PIN4: variants seen among roughly 807,000 people sequenced by gnomAD.
PIN4 encodes peptidyl-prolyl cis-trans isomerase NIMA-interacting 4.
In PIN4, 3 loss-of-function variants were observed where a neutral mutation model predicts 8.3. The ratio of observed to expected loss-of-function variants is 0.36; its 90% confidence interval spans 0.16 to 0.93. The LOEUF is 0.93. PIN4 is among the 40% of genes least tolerant of loss of function. The pLI, the probability that PIN4 is intolerant of heterozygous loss-of-function variation, is 0.44. For missense variants in PIN4, 75 were observed against 100.6 expected (o/e 0.75, Z 1.09); for synonymous variants, 18 against 32.5 (o/e 0.55, Z 1.52).
At position 72,197,626 on chromosome X, in the gene PIN4, A is replaced by G. The variant is rs778253319; in HGVS notation, c.*100A>G. The G allele has an allele frequency of 9.1e-7, 1 of 1,096,296 alleles. No homozygotes were observed. Among genetic ancestry groups the G allele is most frequent in the Admixed American group, 3.4e-5 (1 of 29,295 alleles). 90.3% of individuals were successfully genotyped at this position (1,096,296 alleles called of 1,213,427 possible). A position where few individuals can be genotyped will look rare whatever the true frequency, so the allele number is the denominator to read the frequency against. On this transcript the variant is annotated 3_prime_UTR_variant, in exon 4 of 4. Transcript: ENST00000373669. ...GCTGCAAGGAAATACAAAAATTTTT[A>G]AAAAGAAAAGATATTGGATGCTCCT...
chrX:72,217,673 A>T (rs1382386961), intron 3 of PIN4, among the ~76,000 whole-genome samples: 1 of 111,343 alleles, frequency 9.0e-6, no homozygotes, highest in East Asian at 2.8e-4. Flanking sequence ...TGGCCAGGGG[A>T]TAAGACCATT....
At chrX:72,258,518 C>G (rs1161497545) in intron 3 of PIN4, among the ~76,000 whole-genome samples, 1 of 111,457 alleles carries the variant, frequency 9.0e-6, no homozygotes, top group Non-Finnish European at 1.9e-5. Context: ...GCCCTTACTC[C>G]CTTACTCCTT....
intron 1 of PIN4, among the ~76,000 whole-genome samples, chrX:72,184,360 G>A (rs2042688017): frequency 8.9e-6 from 1 of 112,258 alleles, no homozygotes; most frequent in Non-Finnish European, 1.9e-5. Flanking sequence ...TGGAAGAACA[G>A]GAGGTTATAG....
chrX:72,190,845 C>T (rs919033773), intron 2 of PIN4, among the ~76,000 whole-genome samples: 2 of 107,222 alleles, frequency 1.9e-5, no homozygotes, highest in East Asian at 2.9e-4. Context: ...CCCAGCTACT[C>T]GGGAGGCTGA....
At chrX:72,224,900 C>G (rs1602447786) in intron 3 of PIN4, among the ~76,000 whole-genome samples, 1 of 111,298 alleles carries the variant, frequency 9.0e-6, no homozygotes, top group Non-Finnish European at 1.9e-5. Flanking sequence ...ACAATATCAC[C>G]TCAACCCTAA....
chrX:72,217,162 T>C (rs1482400682), intron 3 of PIN4, among the ~76,000 whole-genome samples: 1 of 112,097 alleles, frequency 8.9e-6, no homozygotes, highest in Non-Finnish European at 1.9e-5. Flanking sequence ...TTCCTGTTTA[T>C]TCTGGCAGAA....
chrX:72,184,504 C>T (rs1207659219), intron 1 of PIN4, among the ~76,000 whole-genome samples: 1 of 110,664 alleles, frequency 9.0e-6, no homozygotes, highest in Non-Finnish European at 1.9e-5. Flanking sequence ...TGAGGTCACT[C>T]AAGGTAATGG....
chrX:72,238,934 T>C (rs756297360), intron 3 of PIN4: 3 of 1,172,455 alleles, frequency 2.6e-6, no homozygotes, highest in Non-Finnish European at 3.4e-6. Flanking sequence ...GGGTTCCAGT[T>C]ACCCCGGCGG....
chrX:72,188,222 A>G (rs1290505249), intron 2 of PIN4, among the ~76,000 whole-genome samples: 1 of 112,731 alleles, frequency 8.9e-6, no homozygotes, highest in Non-Finnish European at 1.9e-5. Flanking sequence ...GAGAGCTGAC[A>G]TGCTGGTCTC....
intron 3 of PIN4, among the ~76,000 whole-genome samples, chrX:72,211,654 C>A (rs2042854779): frequency 9.0e-6 from 1 of 110,672 alleles, no homozygotes; most frequent in African/African-American, 3.3e-5. Context: ...GTGGCACACA[C>A]CTGTAGTCAG....
chrX:72,259,897 AT>A (rs1310923255), intron 3 of PIN4, among the ~76,000 whole-genome samples: 20 of 102,942 alleles, frequency 1.9e-4, no homozygotes, highest in Non-Finnish European at 3.5e-4. Flanking sequence ...TACCTGGCTA[AT>A]TTTTTTTCTT....
chrX:72,238,098 CACA>C (rs1306311639), intron 3 of PIN4: 1 of 111,747 alleles, frequency 8.9e-6, no homozygotes, highest in Non-Finnish European at 1.9e-5. Context: ...CGGACGGCTG[CACA>C]ACAATATGAA....
At chrX:72,189,032 G>A (rs1237743734) in intron 2 of PIN4, among the ~76,000 whole-genome samples, 7 of 111,479 alleles carry the variant, frequency 6.3e-5, no homozygotes, top group African/African-American at 9.8e-5. Flanking sequence ...GGGCATGGTC[G>A]TGTGTGCCTG....
intron 3 of PIN4, among the ~76,000 whole-genome samples, chrX:72,215,472 A>G (rs1423611123): frequency 1.8e-5 from 2 of 111,950 alleles, no homozygotes; most frequent in Non-Finnish European, 3.8e-5. Flanking sequence ...GATGTCTGCA[A>G]TTTACTTTGA....
chrX:72,217,939 G>A (rs1206448340), intron 3 of PIN4, among the ~76,000 whole-genome samples: 1 of 111,668 alleles, frequency 9.0e-6, no homozygotes, highest in Non-Finnish European at 1.9e-5. Flanking sequence ...GGAACTATGA[G>A]TCCTCTAACT....
intron 3 of PIN4, among the ~76,000 whole-genome samples, chrX:72,217,790 C>T (rs911847147): frequency 6.3e-5 from 7 of 111,052 alleles, no homozygotes; most frequent in African/African-American, 2.3e-4. Context: ...TAAGCAAGTG[C>T]CTGAAATATG....
At chrX:72,243,104 G>A (rs2043055456) in intron 3 of PIN4, among the ~76,000 whole-genome samples, 2 of 108,568 alleles carry the variant, frequency 1.8e-5, no homozygotes, top group Non-Finnish European at 3.8e-5. Flanking sequence ...GGTCGAGGTG[G>A]GTGGAGTTCA....
At chrX:72,248,833 C>T (rs150225705) in intron 3 of PIN4, among the ~76,000 whole-genome samples, 345 of 109,775 alleles carry the variant, frequency 3.1e-3, no homozygotes, top group African/African-American at 0.011. Context: ...ACTGAGATTG[C>T]GCCACTGCAC....
chrX:72,227,876 G>A (rs916259526), intron 3 of PIN4, among the ~76,000 whole-genome samples: 8 of 112,673 alleles, frequency 7.1e-5, no homozygotes, highest in African/African-American at 2.6e-4. Flanking sequence ...TCGGCCAGCC[G>A]TAATAAAGAA....
Sources: gnomAD v4.1 joint callset for allele counts (sites outside exome capture counted in the v4.1 genomes callset) on GRCh38, gnomAD v4.1.1 for gene constraint, MANE v1.5 for transcripts, NCBI Gene and HGNC (gene_info 2026-07-23, HGNC 2026-07-21) for gene names.